CCDC160: variants seen among roughly 807,000 people sequenced by gnomAD.
The protein encoded by CCDC160 is coiled-coil domain-containing protein 160.
For synonymous variants in CCDC160, 94 were observed against 79.4 expected, an observed-to-expected ratio of 1.18 and a Z score of -0.98; for missense variants, 227 against 215.6, an observed-to-expected ratio of 1.05 and a Z score of -0.33.
Position 134,241,315 on chromosome X carries a change from A to C in CCDC160, c.-24-3462A>C, listed in dbSNP as rs193169019. Among the ~76,000 whole-genome samples, 665 of 111,762 alleles carry C rather than the reference A, an allele frequency of 6.0e-3. 3 individuals are homozygous for C. Among genetic ancestry groups the C allele is most frequent in the Middle Eastern group, 0.018 (4 of 217 alleles). ...TTTATGTTACATCATGTTATATATA[A>C]ATTCATATTCAATTTATTTTATCAG... is the stretch of plus-strand genomic sequence containing the variant. On this transcript the variant is annotated intron_variant, in intron 1 of 1. Coordinates refer to ENST00000370809, the Ensembl canonical transcript of CCDC160.
chrX:134,239,095 A>G (rs1211468126), intron 1 of CCDC160, among the ~76,000 whole-genome samples: 6 of 111,811 alleles, frequency 5.4e-5, no homozygotes, highest in Non-Finnish European at 1.1e-4. Context: ...ATTATGTCAA[A>G]AAAAATTTTT....
intron 1 of CCDC160, chrX:134,243,455 GA>G: frequency 2.6e-6 from 1 of 390,203 alleles, no homozygotes; most frequent in Non-Finnish European, 3.3e-6. Context: ...TCATAGTAAG[GA>G]AAACCTGTGT....
downstream of CCDC160, among the ~76,000 whole-genome samples, chrX:134,246,403 C>T (rs927328992): frequency 3.6e-5 from 4 of 111,824 alleles, no homozygotes; most frequent in East Asian, 2.8e-4. Context: ...GACTACAAGA[C>T]GACTTAGAGA....
intron 1 of CCDC160, among the ~76,000 whole-genome samples, chrX:134,240,014 A>C (rs928674142): frequency 8.9e-6 from 1 of 111,785 alleles, no homozygotes; most frequent in African/African-American, 3.3e-5. Flanking sequence ...CAGACAGTTC[A>C]TTTGGGTCCT....
intron 1 of CCDC160, chrX:134,243,406 G>A (rs762065857): frequency 9.0e-5 from 61 of 679,305 alleles, no homozygotes; most frequent in Non-Finnish European, 9.6e-5. Flanking sequence ...GGAGAGGTAT[G>A]TTCAGTACCT....
downstream of CCDC160, chrX:134,246,123 A>G (rs183836064): frequency 8.7e-5 from 11 of 126,589 alleles, no homozygotes; most frequent in Admixed American, 7.3e-4. Context: ...TCTCGTAAGC[A>G]AATATGTCTT....
At chrX:134,238,405 C>T (rs1161704547) in intron 1 of CCDC160, among the ~76,000 whole-genome samples, 4 of 84,584 alleles carry the variant, frequency 4.7e-5, no homozygotes, top group African/African-American at 1.9e-4. Flanking sequence ...CGGAGTCTTG[C>T]TCTGTTGCCC....
exon 2 of CCDC160, chrX:134,245,592 A>G (rs375849009): frequency 3.7e-5 from 45 of 1,205,832 alleles, no homozygotes; most frequent in Non-Finnish European, 5.0e-5. Flanking sequence ...AAGAAATGAA[A>G]TCATATTATG....
At chrX:134,244,743 T>C in intron 1 of CCDC160, 34 bp from the exon 3 acceptor site, 1 of 1,101,377 alleles carries the variant, frequency 9.1e-7, no homozygotes, top group Non-Finnish European at 1.2e-6. Flanking sequence ...GTGTAAATAA[T>C]GTGCCTGCCT....
exon 2 of CCDC160, chrX:134,245,384 A>G (rs1278446675): frequency 8.4e-7 from 1 of 1,191,220 alleles, no homozygotes; most frequent in Non-Finnish European, 1.1e-6. Flanking sequence ...ACAGAGACGG[A>G]TGCTTCAAAA....
chrX:134,245,124 A>G, exon 2 of CCDC160: 1 of 1,194,001 alleles, frequency 8.4e-7, no homozygotes, highest in South Asian at 1.9e-5. Flanking sequence ...TTACAACAGA[A>G]GAAAGCTTTA....
chrX:134,239,514 G>T (rs2077020834), intron 1 of CCDC160, among the ~76,000 whole-genome samples: 1 of 111,644 alleles, frequency 9.0e-6, no homozygotes, highest in African/African-American at 3.3e-5. Flanking sequence ...AGAAGTTAGG[G>T]ATAATTTTTC....
At chrX:134,238,552 T>C (rs1228532156) in intron 1 of CCDC160, among the ~76,000 whole-genome samples, 198 bp from the exon 2 acceptor site, 2 of 109,138 alleles carry the variant, frequency 1.8e-5, no homozygotes, top group Admixed American at 9.9e-5. Context: ...TTTGTATTTT[T>C]AGTAGAGACG....
intron 1 of CCDC160, among the ~76,000 whole-genome samples, chrX:134,242,384 C>G (rs1391800241): frequency 9.0e-6 from 1 of 111,126 alleles, no homozygotes; most frequent in African/African-American, 3.3e-5. Flanking sequence ...GAGACAGGGT[C>G]CTCAGTTTTA....
At chrX:134,241,093 T>C (rs757085514) in intron 1 of CCDC160, among the ~76,000 whole-genome samples, 2 of 111,570 alleles carry the variant, frequency 1.8e-5, no homozygotes, top group South Asian at 7.6e-4. Flanking sequence ...ACATCCGCTT[T>C]AATATGATTA....
intron 1 of CCDC160, 51 bp from the exon 2 acceptor site, chrX:134,238,697 CAG>C (rs1236898865): frequency 1.8e-5 from 2 of 111,381 alleles, no homozygotes; most frequent in Non-Finnish European, 3.8e-5. Context: ...ATCTACATCT[CAG>C]ATATAAACAC....
At chrX:134,239,272 G>A (rs1230566207) in intron 1 of CCDC160, among the ~76,000 whole-genome samples, 5 of 111,838 alleles carry the variant, frequency 4.5e-5, no homozygotes, top group Non-Finnish European at 9.4e-5. Flanking sequence ...CAGAAGCACA[G>A]GAACAATTCA....
intron 1 of CCDC160, among the ~76,000 whole-genome samples, chrX:134,239,745 A>T (rs903019289): frequency 1.8e-5 from 2 of 111,701 alleles, no homozygotes; most frequent in Admixed American, 1.9e-4. Context: ...AACAAAACCC[A>T]TTGTTTACAG....
At position 134,244,998 on chromosome X, in the gene CCDC160, T is replaced by C. The variant is rs367640741; in HGVS notation, c.198T>C (p.Tyr66=). 7.8e-4 allele frequency: 914 copies of C among 1,176,789 alleles called. No individual in the cohort carries two copies. Among genetic ancestry groups the C allele is most frequent in the Non-Finnish European group, 1.0e-3 (876 of 876,907 alleles). The stretch of plus-strand genomic sequence containing the variant: ...AAAGTAAATTTAAGAGGAAAAAATA[T>C]ATTTTCCAACTAAATGAAATAGAAC... Residue 66 remains tyrosine (Y), a synonymous_variant, in exon 2 of 2, where the codon TAT becomes TAC. Coordinates refer to ENST00000370809, the Ensembl canonical transcript of CCDC160.
Sources: allele counts gnomAD v4.1 joint callset (sites outside exome capture counted in the v4.1 genomes callset), GRCh38; gene constraint gnomAD v4.1.1; transcripts MANE v1.5; gene names NCBI Gene and HGNC (gene_info 2026-07-23, HGNC 2026-07-21).